The following PRKCB variants were observed in gnomAD, a reference collection of about 807,000 sequenced individuals.
PRKCB encodes the protein protein kinase C beta.
PRKCB carries 13 observed loss-of-function variants against 81.5 expected under a neutral mutation model. The ratio of observed to expected loss-of-function variants is 0.16; its 90% confidence interval spans 0.10 to 0.25. The LOEUF is 0.25. PRKCB is among the 10% of genes least tolerant of loss of function. PRKCB has a pLI of 1.00. For missense variants in PRKCB, 509 were observed against 875.7 expected (o/e 0.58, Z 5.29); for synonymous variants, 335 against 321.4 (o/e 1.04, Z -0.45).
intron 10 of PRKCB, among the ~76,000 whole-genome samples, chr16:24,156,204 T>C (rs1200680946): frequency 6.6e-6 from 1 of 152,174 alleles, no homozygotes; most frequent in African/African-American, 2.4e-5. Flanking sequence ...GATAAATGCT[T>C]GATTCTTTCT....
chr16:24,019,313 C>T (rs763422885), intron 3 of PRKCB, among the ~76,000 whole-genome samples: 10 of 152,034 alleles, frequency 6.6e-5, no homozygotes, highest in Non-Finnish European at 1.3e-4. Flanking sequence ...CACTGTGCTC[C>T]AGCCTGGGCA....
chr16:23,837,204 C>T (rs529330302), intron 1 of PRKCB, 171 bp from the exon 2 acceptor site: 20 of 784,292 alleles, frequency 2.6e-5, no homozygotes, highest in South Asian at 2.1e-4. Flanking sequence ...GGGTTACAGC[C>T]GAGCTCCCAC....
intron 16 of PRKCB, among the ~76,000 whole-genome samples, chr16:24,205,155 T>TC (rs1968025391): frequency 6.7e-6 from 1 of 148,234 alleles, no homozygotes; most frequent in Admixed American, 6.7e-5. Context: ...CTTTTTTTTT[T>TC]TTTTTTTTTT....
chr16:23,988,604 A>G lies in PRKCB; in HGVS notation c.288+14A>G, dbSNP rs747765955. The G allele has an allele frequency of 1.4e-5, 22 of 1,610,682 alleles. No homozygotes were observed. The Admixed American group carries it at 3.5e-4, about 26-fold the overall frequency. On this transcript the variant is annotated intron_variant, in intron 3 of 16. Transcript: ENST00000643927. Reference sequence around the variant, plus strand: ...CCAGCCTCCGATGTAAGTAATGGGCATCGATTGCTTTTCTCTGTCCACAGT... The same window carrying G: ...CCAGCCTCCGATGTAAGTAATGGGCGTCGATTGCTTTTCTCTGTCCACAGT...
intron 9 of PRKCB, among the ~76,000 whole-genome samples, chr16:24,139,763 T>C (rs1410413675): frequency 6.6e-6 from 1 of 152,218 alleles, no homozygotes; most frequent in Non-Finnish European, 1.5e-5. Context: ...TATAAAGAGA[T>C]TTTTAAATAC....
rs184551090 is a variant in PRKCB, at chr16:23,990,659, C to G, written c.288+2069C>G. ...ACCTCCCTGGCTCTAGCAACCCCCC[C>G]ACCTCAGCCGCCCACGTAGCTGGGC... On this transcript the variant is annotated intron_variant, in intron 3 of 16. Transcript: ENST00000643927. 1.2e-3 allele frequency among the ~76,000 whole-genome samples: 181 copies of G among 152,080 alleles called. 4 individuals are homozygous for G. The East Asian group carries it at 0.031, about 26-fold the overall frequency.
At position 24,092,796 on chromosome 16, in the gene PRKCB, G is replaced by T. The variant is rs779094238; in HGVS notation, c.535G>T (p.Asp179Tyr). The change falls in exon 6 of 17, where the codon GAT (aspartate) becomes TAT (tyrosine). Residue 179 changes from aspartate (D) to tyrosine (Y), a missense_variant. Coordinates refer to ENST00000643927, the MANE Select transcript of PRKCB (RefSeq NM_002738.7). Reference protein sequence around the residue: ...DRDVLIVLVRDAKNLVPMDPN... With the variant: ...DRDVLIVLVRYAKNLVPMDPN... ...AACTGCTTTTTCTTTTTCAGTAAGA[G>T]ATGCTAAAAACCTTGTACCTATGGA... is the stretch of plus-strand genomic sequence containing the variant. 5 of 1,612,720 alleles carry T rather than the reference G, an allele frequency of 3.1e-6. No homozygotes were observed. The South Asian group carries it at 5.5e-5, about 18-fold the overall frequency.
chr16:24,006,420 T>TATA (rs1382875180), intron 3 of PRKCB, among the ~76,000 whole-genome samples: 1 of 152,226 alleles, frequency 6.6e-6, no homozygotes, highest in Admixed American at 6.5e-5. Context: ...ATAATAATAT[T>TATA]AGCTCCCCAT....
At chr16:24,026,280 G>T (rs1364668619) in intron 3 of PRKCB, among the ~76,000 whole-genome samples, 2 of 152,208 alleles carry the variant, frequency 1.3e-5, no homozygotes, top group Non-Finnish European at 2.9e-5. Context: ...GCATGACAGA[G>T]CAAGACCCTG....
intron 2 of PRKCB, among the ~76,000 whole-genome samples, chr16:23,858,086 TTGA>T (rs1962601980): frequency 1.4e-5 from 2 of 146,442 alleles, no homozygotes; most frequent in East Asian, 1.9e-4. Flanking sequence ...GACAATGACG[TTGA>T]TGATGAGGAT....
At chr16:24,110,532 T>TTTTTTGG (rs1966662931) in intron 7 of PRKCB, among the ~76,000 whole-genome samples, 1 of 143,742 alleles carries the variant, frequency 7.0e-6, no homozygotes, top group African/African-American at 2.6e-5. Context: ...TTTTTTTTTT[T>TTTTTTGG]GAGAGACAGG....
intron 7 of PRKCB, among the ~76,000 whole-genome samples, chr16:24,096,666 A>AAAATATATATATATAT (rs1406204037): frequency 4.0e-4 from 13 of 32,680 alleles, no homozygotes; most frequent in Non-Finnish European, 7.9e-4. Context: ...AAAAAAAAAA[A>AAAATATATATATATAT]ATATATATAT....
At chr16:24,165,784 GTTTT>G (rs551489675) in intron 10 of PRKCB, among the ~76,000 whole-genome samples, 2 of 148,358 alleles carry the variant, frequency 1.3e-5, no homozygotes, top group Admixed American at 1.3e-4. Context: ...TTGTGTTTAA[GTTTT>G]TTTTAAGTGA....
At chr16:23,998,221 C>T (rs998382044) in intron 3 of PRKCB, among the ~76,000 whole-genome samples, 8 of 152,176 alleles carry the variant, frequency 5.3e-5, no homozygotes, top group African/African-American at 1.9e-4. Flanking sequence ...ACTCCATTGG[C>T]ACCTATGGTT....
intron 5 of PRKCB, among the ~76,000 whole-genome samples, chr16:24,067,513 G>A (rs1966051701): frequency 6.6e-6 from 1 of 152,084 alleles, no homozygotes; most frequent in Non-Finnish European, 1.5e-5. Context: ...TGTCCAGGCT[G>A]GTCTTGAATT....
intron 2 of PRKCB, among the ~76,000 whole-genome samples, chr16:23,879,047 ACGCGC>A (rs1179337256): frequency 1.3e-5 from 2 of 152,114 alleles, no homozygotes; most frequent in African/African-American, 4.8e-5. Context: ...GCGTGGTGGC[ACGCGC>A]CTGTAATCCC....
chr16:24,059,310 A>G lies in PRKCB; in HGVS notation c.529+23763A>G, dbSNP rs541923504. ...GGAAGGTTCAGGCTCTGGGAAATGG[A>G]GCCACTTCAGTCATCAGTGGAGCAA... On this transcript the variant is annotated intron_variant, in intron 5 of 16. Coordinates refer to ENST00000643927, the MANE Select transcript of PRKCB (RefSeq NM_002738.7). Among the ~76,000 whole-genome samples, 192 of 152,218 alleles carry G rather than the reference A, an allele frequency of 1.3e-3. 1 individual carries two copies. The highest frequency in any genetic ancestry group is 4.0e-3 in the African/African-American group (166 of 41,544).
At chr16:24,093,311 T>G (rs1409947028) in intron 6 of PRKCB, among the ~76,000 whole-genome samples, 1 of 152,154 alleles carries the variant, frequency 6.6e-6, no homozygotes, top group East Asian at 1.9e-4. Flanking sequence ...ACAGCCTCTC[T>G]AGAGTTGGGT....
intron 5 of PRKCB, among the ~76,000 whole-genome samples, chr16:24,037,288 C>T (rs565441949): frequency 1.3e-5 from 2 of 152,294 alleles, no homozygotes; most frequent in East Asian, 3.9e-4. Context: ...TGCGCCCAAC[C>T]TTCTATTATT....
Sources: allele counts gnomAD v4.1 joint callset (sites outside exome capture counted in the v4.1 genomes callset), GRCh38; gene constraint gnomAD v4.1.1; transcripts MANE v1.5; gene names NCBI Gene and HGNC (gene_info 2026-07-23, HGNC 2026-07-21).